Variants in UBA6 observed in about 807,000 individuals in gnomAD.
The protein encoded by UBA6 is ubiquitin-like modifier-activating enzyme 6.
A neutral mutation model predicts 148.3 loss-of-function variants in UBA6; 87 were observed. That is an observed-to-expected ratio of 0.59 (90% CI 0.49 to 0.70). The LOEUF (loss-of-function observed/expected upper bound fraction) is 0.70. Ranked by LOEUF, UBA6 falls within the 30% of genes least tolerant of loss-of-function variation. The pLI is 0.00. For missense variants in UBA6, 1,186 were observed against 1,241.2 expected (o/e 0.96, Z 0.67); for synonymous variants, 376 against 401.0 (o/e 0.94, Z 0.75).
chr4:67,626,335 C>T (rs377040006), intron 28 of UBA6, 25 bp downstream of exon 28: 173 of 1,493,360 alleles, frequency 1.2e-4, no homozygotes, highest in Non-Finnish European at 1.4e-4. Context: ...CAGTTCAAAA[C>T]ATTTTTATAA....
In UBA6 at chr4:67,612,961, T is replaced by G. The variant is rs1405371218; in HGVS notation, c.*6036A>C. The G allele has an allele frequency of 7.2e-5, 11 of 152,312 alleles. No individual in the cohort carries two copies. In the South Asian group the frequency reaches 2.1e-3, roughly 29 times the overall value. 9.4% of individuals were successfully genotyped at this position (152,312 alleles called of 1,614,324 possible). ...GTATTTATAGATTGCAAAAGGCCAC[T>G]GGGAAGTTGAGTAGATAGAGCTAAG... On this transcript the variant is annotated 3_prime_UTR_variant, in exon 33 of 33. Coordinates refer to ENST00000322244, the MANE Select transcript of UBA6 (RefSeq NM_018227.6).
At chr4:67,651,307 CAGAAA>C (rs1553907021) in intron 13 of UBA6, among the ~76,000 whole-genome samples, 1 of 152,000 alleles carries the variant, frequency 6.6e-6, no homozygotes, top group Non-Finnish European at 1.5e-5. Context: ...TCTACCCTTC[CAGAAA>C]AGAAAAGAAA....
chr4:67,640,877 T>C (rs1246396183), intron 18 of UBA6, among the ~76,000 whole-genome samples: 2 of 152,188 alleles, frequency 1.3e-5, no homozygotes, highest in Non-Finnish European at 2.9e-5. Flanking sequence ...ACTTCCTTTC[T>C]AAAATTGAAT....
chr4:67,648,928 G>A (rs558342897), intron 14 of UBA6, 140 bp downstream of exon 14: 11 of 812,708 alleles, frequency 1.4e-5, no homozygotes, highest in African/African-American at 1.7e-5. Context: ...ATCAAGTGTT[G>A]GAGGCATACT....
chr4:67,698,526 A>C (rs1052768557), intron 1 of UBA6, among the ~76,000 whole-genome samples: 1 of 152,210 alleles, frequency 6.6e-6, no homozygotes. Context: ...AGGCTGAGGG[A>C]GGTTAACTTA....
At chr4:67,676,834 G>T (rs1730292117) in intron 6 of UBA6, among the ~76,000 whole-genome samples, 1 of 150,970 alleles carries the variant, frequency 6.6e-6, no homozygotes, top group African/African-American at 2.4e-5. Context: ...TGAATTTTAA[G>T]TTATCTACTC....
chr4:67,671,720 A>AT (rs1730153928), intron 7 of UBA6, among the ~76,000 whole-genome samples: 1 of 152,124 alleles, frequency 6.6e-6, no homozygotes. Flanking sequence ...ATAAATTATG[A>AT]TTTTGCCTTG....
At chr4:67,699,556 C>CAATG (rs10633615) in intron 1 of UBA6, among the ~76,000 whole-genome samples, 31,839 of 151,986 alleles carry the variant, frequency 0.21, 3,567 homozygotes, top group Middle Eastern at 0.29. Flanking sequence ...ACACAATATA[C>CAATG]CCTGTTTGGG....
At chr4:67,627,910 T>C (rs1026133284) in intron 27 of UBA6, among the ~76,000 whole-genome samples, 8 of 150,964 alleles carry the variant, frequency 5.3e-5, no homozygotes, top group Non-Finnish European at 8.9e-5. Flanking sequence ...AAATTTCATG[T>C]TCCATCTTTA....
chr4:67,625,288 TA>T, intron 28 of UBA6, 101 bp from the exon 29 acceptor site: 3 of 910,852 alleles, frequency 3.3e-6, no homozygotes, highest in Non-Finnish European at 4.7e-6. Flanking sequence ...GATTCCTTTT[TA>T]TATTTTTTAA....
intron 17 of UBA6, among the ~76,000 whole-genome samples, chr4:67,643,926 G>A (rs986428139): frequency 2.6e-5 from 4 of 152,056 alleles, no homozygotes; most frequent in Non-Finnish European, 5.9e-5. Flanking sequence ...ACAAGTAATA[G>A]TGGTTTGTGA....
At chr4:67,631,627 C>T (rs1728998580) in intron 25 of UBA6, 81 bp downstream of exon 25, 2 of 1,037,570 alleles carry the variant, frequency 1.9e-6, no homozygotes, top group South Asian at 1.6e-5. Flanking sequence ...CTAAGGTTTT[C>T]ACTCTGCAAT....
intron 17 of UBA6, among the ~76,000 whole-genome samples, chr4:67,642,689 C>T (rs181459416): frequency 6.2e-4 from 95 of 152,088 alleles, no homozygotes; most frequent in African/African-American, 2.2e-3. Context: ...TTATTGCTGA[C>T]GAAAAGTCTA....
At chr4:67,645,605 A>T (rs1029010413) in intron 16 of UBA6, among the ~76,000 whole-genome samples, 2 of 152,182 alleles carry the variant, frequency 1.3e-5, no homozygotes, top group African/African-American at 4.8e-5. Flanking sequence ...TCAGAAAAAA[A>T]AAAAAGAAAT....
intron 19 of UBA6, 83 bp downstream of exon 19, chr4:67,638,860 C>A: frequency 9.8e-7 from 1 of 1,016,466 alleles, no homozygotes; most frequent in Non-Finnish European, 1.5e-6. Context: ...TCAGATAATT[C>A]CGTAACTTTT....
chr4:67,616,196 T>A lies in UBA6; in HGVS notation c.*2801A>T, dbSNP rs899625415. 4 of 396,464 alleles carry A rather than the reference T, an allele frequency of 1.0e-5. No homozygotes were observed. The highest frequency in any genetic ancestry group is 2.1e-5 in the African/African-American group (1 of 48,510). The allele number at this position is 396,464 out of a possible 1,614,324, so 24.6% of individuals were successfully genotyped here. A position where few individuals can be genotyped will look rare whatever the true frequency, so the allele number is the denominator to read the frequency against. The stretch of plus-strand genomic sequence containing the variant: ...TCAGAGAAAGCATTCAGATTATATG[T>A]TTTTGAATCTATGAAAAGTAAAATC... On this transcript the variant is annotated 3_prime_UTR_variant, in exon 33 of 33. Coordinates refer to ENST00000322244, the MANE Select transcript of UBA6 (RefSeq NM_018227.6).
At chr4:67,675,213 T>C (rs1440665320) in intron 6 of UBA6, among the ~76,000 whole-genome samples, 3 of 152,228 alleles carry the variant, frequency 2.0e-5, no homozygotes, top group South Asian at 2.1e-4. Context: ...CTAATGTTTA[T>C]TCCAGCTATA....
chr4:67,691,734 A>T (rs1248995475), intron 2 of UBA6, among the ~76,000 whole-genome samples: 1 of 152,186 alleles, frequency 6.6e-6, no homozygotes. Context: ...CTGTAGACTG[A>T]GGTCTGCAGC....
At chr4:67,636,275 G>T (rs953920199) in intron 19 of UBA6, among the ~76,000 whole-genome samples, 1 of 152,154 alleles carries the variant, frequency 6.6e-6, no homozygotes, top group African/African-American at 2.4e-5. Flanking sequence ...TGCCATGAAG[G>T]AAAAAGTACA....
Sources: gnomAD v4.1 joint callset for allele counts (sites outside exome capture counted in the v4.1 genomes callset) on GRCh38, gnomAD v4.1.1 for gene constraint, MANE v1.5 for transcripts, NCBI Gene and HGNC (gene_info 2026-07-23, HGNC 2026-07-21) for gene names.